Variants in DIMT1 observed in about 807,000 individuals in gnomAD.
DIMT1 encodes the protein dimethyladenosine transferase.
In DIMT1, 36 loss-of-function variants were observed where a neutral mutation model predicts 43.2. That is an observed-to-expected ratio of 0.83 (90% CI 0.64 to 1.10). DIMT1 has a LOEUF of 1.10. DIMT1 is among the 50% of genes least tolerant of loss of function. DIMT1 has a pLI of 0.00. For synonymous variants in DIMT1, 126 were observed against 130.3 expected (o/e 0.97, Z 0.22); for missense variants, 341 against 385.3 (o/e 0.88, Z 0.96).
At chr5:62,391,514 A>T (rs1742305249) in intron 10 of DIMT1, 1 of 177,326 alleles carries the variant, frequency 5.6e-6, no homozygotes, top group Non-Finnish European at 1.1e-5. Context: ...TAGGCAGATT[A>T]TCTAATGACT....
At chr5:62,392,291 A>T (rs1411555491) in intron 9 of DIMT1, 57 bp from the exon 10 acceptor site, 2 of 1,445,860 alleles carry the variant, frequency 1.4e-6, no homozygotes, top group Non-Finnish European at 1.9e-6. Flanking sequence ...GTAATTTCTT[A>T]CTTTTTTAAA....
intron 2 of DIMT1, 64 bp downstream of exon 2, chr5:62,403,209 T>C: frequency 7.0e-7 from 1 of 1,429,040 alleles, no homozygotes; most frequent in East Asian, 2.3e-5. Context: ...TTTCTGCGCT[T>C]ATGTATTCAT....
intron 6 of DIMT1, among the ~76,000 whole-genome samples, chr5:62,396,505 C>A (rs1396822277): frequency 6.6e-6 from 1 of 151,952 alleles, no homozygotes; most frequent in Non-Finnish European, 1.5e-5. Context: ...AAGACTGTCT[C>A]ATAAAATAAA....
chr5:62,399,669 G>A (rs1472106400), intron 3 of DIMT1, among the ~76,000 whole-genome samples: 1 of 149,198 alleles, frequency 6.7e-6, no homozygotes, highest in Non-Finnish European at 1.5e-5. Flanking sequence ...CCGGGTGTGA[G>A]GCTGAGGTGG....
At chr5:62,395,930 C>T (rs1378584039) in intron 6 of DIMT1, among the ~76,000 whole-genome samples, 2 of 152,022 alleles carry the variant, frequency 1.3e-5, no homozygotes, top group African/African-American at 4.8e-5. Flanking sequence ...CATCTGAGCC[C>T]AGCCCAGGGA....
chr5:62,398,740 CTGA>C lies in DIMT1; in HGVS notation c.303-4_303-2del. 6.2e-7 allele frequency: 1 copy of C among 1,614,078 alleles called. No homozygotes were observed. The highest frequency in any genetic ancestry group is 1.7e-5 in the Admixed American group (1 of 60,022). ...TACTTGAAGTTTGCTGGCCACAGGCCTGATGAGAAAAGAAGAAATGTAAAAAGA... is the reference window on the plus strand; with the variant it reads ...TACTTGAAGTTTGCTGGCCACAGGCCTGAGAAAAGAAGAAATGTAAAAAGA... On this transcript the variant is annotated splice_acceptor_variant and splice_polypyrimidine_tract_variant and intron_variant, in intron 4 of 11. Coordinates refer to ENST00000199320, the MANE Select transcript of DIMT1 (RefSeq NM_014473.4). LOFTEE classifies it high-confidence loss of function.
At chr5:62,403,419 T>C in intron 1 of DIMT1, 73 bp from the exon 2 acceptor site, 1 of 1,409,206 alleles carries the variant, frequency 7.1e-7, no homozygotes, top group East Asian at 2.3e-5. Flanking sequence ...AGAAGAAAGC[T>C]GCATGGGTAT....
In DIMT1 at chr5:62,390,774, C is replaced by G. The variant is rs934355822; in HGVS notation, c.899+102G>C. 1.6e-5 allele frequency: 15 copies of G among 925,478 alleles called. No homozygotes were observed. In the African/African-American group the frequency reaches 2.5e-4, roughly 15 times the overall value. The allele number at this position is 925,478 out of a possible 1,614,324, so 57.3% of individuals were successfully genotyped here. On this transcript the variant is annotated intron_variant, in intron 11 of 11. Transcript: ENST00000199320. ...CATGGAAGTGCTATGCAATAACTCT[C>G]CCAGGTAGCACCTTATACCGCTTAA... is the stretch of plus-strand genomic sequence containing the variant.
At chr5:62,391,941 T>TA (rs1561288623) in intron 10 of DIMT1, 1 of 1,536,042 alleles carries the variant, frequency 6.5e-7, no homozygotes, top group Non-Finnish European at 8.7e-7. Flanking sequence ...TGTCAGTAGT[T>TA]AGAGGACAGG....
At chr5:62,392,129 GAA>G in intron 10 of DIMT1, 40 bp downstream of exon 10, 1 of 1,606,250 alleles carries the variant, frequency 6.2e-7, no homozygotes, top group Non-Finnish European at 8.5e-7. Context: ...CATTTTAAAA[GAA>G]AACAAATCAA....
rs575757232 is a variant in DIMT1 at position 62,391,052 on chromosome 5, G to A, written c.793-70C>T. ...GAGGTCACCTTGACTCTTTTTTTTA[G>A]TTCAGTAAGTCATAAAATAGTCACC... On this transcript the variant is annotated intron_variant, in intron 10 of 11. Transcript: ENST00000199320. 3.2e-6 allele frequency: 4 copies of A among 1,258,340 alleles called. No homozygotes were observed. The East Asian group carries it at 7.0e-5, about 22-fold the overall frequency. The allele number at this position is 1,258,340 out of a possible 1,614,324, so 77.9% of individuals were successfully genotyped here.
rs1463728712 is a variant in DIMT1 at position 62,394,583 on chromosome 5, T to C, written c.471A>G (p.Arg157=). The change falls in exon 7 of 12, where the codon AGA becomes AGG. Residue 157 remains arginine, a synonymous_variant. Transcript: ENST00000199320. ...FFRCAILMFQ[R]EFALRLVAKP... is the part of the protein sequence containing the mutation. ...TTGCAACCAGTCGGAGGGCAAATTCTCTTTGAAACATAAGTATAGCACACC... is the reference window on the plus strand; with the variant it reads ...TTGCAACCAGTCGGAGGGCAAATTCCCTTTGAAACATAAGTATAGCACACC... 17 of 1,614,112 alleles carry C rather than the reference T, an allele frequency of 1.1e-5. No homozygotes were observed. The African/African-American group carries it at 2.0e-4, about 19-fold the overall frequency.
intron 3 of DIMT1, among the ~76,000 whole-genome samples, chr5:62,401,169 A>AG: frequency 6.6e-6 from 1 of 151,966 alleles, no homozygotes; most frequent in Non-Finnish European, 1.5e-5. Flanking sequence ...TAGGGTACAA[A>AG]GGGGAGGCGT....
chr5:62,398,806 T>G lies in DIMT1; in HGVS notation c.302+14A>C, dbSNP rs146281002. The G allele has an allele frequency of 3.1e-6, 5 of 1,613,988 alleles. No individual in the cohort carries two copies. In the South Asian group the frequency reaches 4.4e-5, roughly 14 times the overall value. On this transcript the variant is annotated intron_variant, in intron 4 of 11. Coordinates refer to ENST00000199320, the MANE Select transcript of DIMT1 (RefSeq NM_014473.4). ...GAGATTGAAATGCACTTTAATTCTA[T>G]TATGTATACTCACGTGCCCTGAACT...
chr5:62,397,749 C>T (rs1050818678), intron 6 of DIMT1, among the ~76,000 whole-genome samples: 26 of 151,868 alleles, frequency 1.7e-4, no homozygotes, highest in Non-Finnish European at 3.5e-4. Context: ...CCCGGGTTCA[C>T]GCCATTCTCC....
chr5:62,403,412 A>G (rs1742781971), intron 1 of DIMT1, 66 bp from the exon 2 acceptor site: 1 of 1,470,848 alleles, frequency 6.8e-7, no homozygotes, highest in Non-Finnish European at 9.5e-7. Flanking sequence ...GTACCAGAGA[A>G]GAAAGCTGCA....
chr5:62,392,145 A>G, intron 10 of DIMT1, 26 bp downstream of exon 10: 1 of 1,606,638 alleles, frequency 6.2e-7, no homozygotes, highest in Non-Finnish European at 8.5e-7. Context: ...AAATCAATGA[A>G]ACTGCAGGAA....
chr5:62,397,538 T>C (rs1268855746), intron 6 of DIMT1, among the ~76,000 whole-genome samples: 1 of 152,260 alleles, frequency 6.6e-6, no homozygotes, highest in Admixed American at 6.5e-5. Flanking sequence ...TTCCCACAAA[T>C]TGATATGGCC....
chr5:62,398,783 G>A, intron 4 of DIMT1, 37 bp downstream of exon 4: 1 of 1,613,642 alleles, frequency 6.2e-7, no homozygotes, highest in Non-Finnish European at 8.5e-7. Context: ...TGTTTCATGA[G>A]ATTGAAATGC....
Sources: gnomAD v4.1 joint callset for allele counts (sites outside exome capture counted in the v4.1 genomes callset) on GRCh38, gnomAD v4.1.1 for gene constraint, MANE v1.5 for transcripts, NCBI Gene and HGNC (gene_info 2026-07-23, HGNC 2026-07-21) for gene names.